Variants in CEP41 observed in about 807,000 individuals in gnomAD.
The protein encoded by CEP41 is centrosomal protein 41.
In CEP41, 32 loss-of-function variants were observed where a neutral mutation model predicts 44.3. The ratio of observed to expected loss-of-function variants is 0.72; its 90% CI spans 0.54 to 0.97. CEP41 has a LOEUF of 0.97. Among genes scored for constraint, CEP41 ranks in the 50% least tolerant of loss-of-function variants. The pLI is 0.00. For missense variants in CEP41, 432 were observed against 455.2 expected, an observed-to-expected ratio of 0.95 and a Z score of 0.46; for synonymous variants, 151 against 168.5, an observed-to-expected ratio of 0.90 and a Z score of 0.80.
At chr7:130,428,348 C>G (rs556957380) in intron 1 of CEP41, among the ~76,000 whole-genome samples, 8 of 134,940 alleles carry the variant, frequency 5.9e-5, no homozygotes, top group Admixed American at 5.0e-4. Flanking sequence ...CGCTTGATCC[C>G]GGGAGGCAGA....
intron 1 of CEP41, among the ~76,000 whole-genome samples, chr7:130,439,612 A>G (rs1798078972): frequency 6.6e-6 from 1 of 152,180 alleles, no homozygotes; most frequent in African/African-American, 2.4e-5. Context: ...GCCACGTATA[A>G]GTGAGATCAT....
chr7:130,441,021 C>T (rs1468426278), upstream of CEP41: 6 of 1,583,710 alleles, frequency 3.8e-6, no homozygotes, highest in Middle Eastern at 6.6e-4. Context: ...GCCTCTAACC[C>T]TAGCTTCCTA....
At chr7:130,422,713 A>C (rs1411567025) in intron 2 of CEP41, among the ~76,000 whole-genome samples, 1 of 152,152 alleles carries the variant, frequency 6.6e-6, no homozygotes, top group Non-Finnish European at 1.5e-5. Context: ...TCTCTCCCAC[A>C]CTGACTTTAA....
At position 130,398,819 on chromosome 7, in the gene CEP41, A is replaced by G; in HGVS notation, c.*72T>C. ...TCCTCTGCAGAAGTTTCTGGAAATG[A>G]CCCAACTTGGGAAATGCTCAGGGGT... On this transcript the variant is annotated 3_prime_UTR_variant, in exon 11 of 11. Coordinates refer to ENST00000223208, the MANE Select transcript of CEP41 (RefSeq NM_018718.3). The G allele has an allele frequency of 1.3e-6, 2 of 1,568,242 alleles. No individual in the cohort carries two copies. Among genetic ancestry groups the G allele is most frequent in the Non-Finnish European group, 1.8e-6 (2 of 1,139,412 alleles).
At chr7:130,441,273 T>A, upstream of CEP41, 1 of 162,666 alleles carries the variant, frequency 6.1e-6, no homozygotes, top group Non-Finnish European at 1.1e-5. Flanking sequence ...AGGGGAAGGC[T>A]GGCGCCTGCG....
At chr7:130,426,750 A>T (rs1554423641) in intron 2 of CEP41, 1 of 445,482 alleles carries the variant, frequency 2.2e-6, no homozygotes, top group Non-Finnish European at 4.5e-6. Flanking sequence ...AAATACAGGA[A>T]CAGTACGGCC....
rs1796593325 is a variant in CEP41, at chr7:130,394,052, G to A, written c.*4839C>T. The A allele has an allele frequency of 2.2e-6, 1 of 453,986 alleles. No individual in the cohort carries two copies. The highest frequency in any genetic ancestry group is 4.4e-6 in the Non-Finnish European group (1 of 226,802). The allele number at this position is 453,986 out of a possible 1,614,324, so 28.1% of individuals were successfully genotyped here. On this transcript the variant is annotated 3_prime_UTR_variant, in exon 11 of 11. Coordinates refer to ENST00000223208, the MANE Select transcript of CEP41 (RefSeq NM_018718.3). ...CTTTTGTGCAGGCAAGCGGAGGAAAGTTTTCAAAAGAATCTCGGCTGACTA... is the reference window on the plus strand; with the variant it reads ...CTTTTGTGCAGGCAAGCGGAGGAAAATTTTCAAAAGAATCTCGGCTGACTA...
chr7:130,431,555 G>A (rs1797821832), intron 1 of CEP41, among the ~76,000 whole-genome samples: 1 of 152,116 alleles, frequency 6.6e-6, no homozygotes, highest in Non-Finnish European at 1.5e-5. Flanking sequence ...CATCAGATTG[G>A]CACCTAATCC....
intron 1 of CEP41, among the ~76,000 whole-genome samples, chr7:130,432,410 A>G (rs1270931961): frequency 2.0e-5 from 3 of 152,018 alleles, no homozygotes; most frequent in Non-Finnish European, 4.4e-5. Context: ...AAAACATAAT[A>G]TGGTCAGTTG....
rs1554413720 is a variant in CEP41, at chr7:130,394,472, T to C, written c.*4419A>G. ...AAGATTTGAAACAAAAGAGAAAACC[T>C]ACTCTTAAGATGGGGGTGGTGTGTG... is the stretch of plus-strand genomic sequence containing the variant. On this transcript the variant is annotated 3_prime_UTR_variant, in exon 11 of 11. Transcript: ENST00000223208. 1 of 454,110 alleles carries C rather than the reference T, an allele frequency of 2.2e-6. No homozygotes were observed. The highest frequency in any genetic ancestry group is 2.3e-5 in the Admixed American group (1 of 42,572). The allele number at this position is 454,110 out of a possible 1,614,324, so 28.1% of individuals were successfully genotyped here.
chr7:130,440,134 C>G (rs1554427175), intron 1 of CEP41, among the ~76,000 whole-genome samples: 1 of 152,216 alleles, frequency 6.6e-6, no homozygotes, highest in Admixed American at 6.5e-5. Context: ...ATTCTCCTGC[C>G]TCAGCCTACC....
chr7:130,438,124 G>A (rs1798031004), intron 1 of CEP41, among the ~76,000 whole-genome samples: 1 of 152,148 alleles, frequency 6.6e-6, no homozygotes, highest in South Asian at 2.1e-4. Flanking sequence ...CAGCACCAAT[G>A]AGTAGTCTAA....
rs1796820389 is a variant in CEP41 at position 130,400,792 on chromosome 7, C to T, written c.672G>A (p.Leu224=). ...TGGCCAGCCTTTCATCATCGTCATA[C>T]AGAATGATGATCTTGCCATGGGCAT... The part of the protein sequence containing the change: ...YKNAHGKIII[L]YDDDERLASQ... Residue 224 remains leucine, a synonymous_variant, in exon 9 of 11, where the codon CTG becomes CTA. Coordinates refer to ENST00000223208, the MANE Select transcript of CEP41 (RefSeq NM_018718.3). The T allele has an allele frequency of 1.2e-6, 2 of 1,612,790 alleles. No homozygotes were observed. The highest frequency in any genetic ancestry group is 2.2e-5 in the East Asian group (1 of 44,886).
intron 1 of CEP41, among the ~76,000 whole-genome samples, chr7:130,431,717 G>A (rs1584905222): frequency 6.6e-6 from 1 of 152,114 alleles, no homozygotes; most frequent in East Asian, 1.9e-4. Flanking sequence ...AGACTAGAGG[G>A]AGTACCAACA....
intron 5 of CEP41, among the ~76,000 whole-genome samples, chr7:130,410,088 T>C (rs1797133663): frequency 1.3e-5 from 2 of 150,780 alleles, no homozygotes; most frequent in Admixed American, 1.3e-4. Flanking sequence ...TGCAATGGCG[T>C]AGTCTCAGCT....
At position 130,397,705 on chromosome 7, in the gene CEP41, C is replaced by G. The variant is rs908187734; in HGVS notation, c.*1186G>C. The G allele has an allele frequency of 1.1e-5, 5 of 454,230 alleles. No homozygotes were observed. The highest frequency in any genetic ancestry group is 1.8e-5 in the Non-Finnish European group (4 of 226,752). The allele number at this position is 454,230 out of a possible 1,614,324, so 28.1% of individuals were successfully genotyped here. ...ACAGACCATAAAAATTAACACCGCT[C>G]TTTTCCATCTGATTTCAGAGTTCCT... On this transcript the variant is annotated 3_prime_UTR_variant, in exon 11 of 11. Coordinates refer to ENST00000223208, the MANE Select transcript of CEP41 (RefSeq NM_018718.3).
At chr7:130,441,088 T>TC, upstream of CEP41, 1 of 1,180,500 alleles carries the variant, frequency 8.5e-7, no homozygotes. Flanking sequence ...TGGCCCGTCT[T>TC]CCCCGGCCGG....
intron 7 of CEP41, among the ~76,000 whole-genome samples, chr7:130,402,348 A>C (rs1341191123): frequency 2.0e-5 from 3 of 150,972 alleles, no homozygotes; most frequent in African/African-American, 4.9e-5. Context: ...ATTAACAAAA[A>C]AAAAACAAAA....
At chr7:130,431,849 C>G (rs1797831276) in intron 1 of CEP41, among the ~76,000 whole-genome samples, 1 of 152,172 alleles carries the variant, frequency 6.6e-6, no homozygotes, top group Non-Finnish European at 1.5e-5. Flanking sequence ...TTTAAAAAAA[C>G]TTGGGTTTCA....
Sources: gnomAD v4.1 joint callset for allele counts (sites outside exome capture counted in the v4.1 genomes callset) on GRCh38, gnomAD v4.1.1 for gene constraint, MANE v1.5 for transcripts, NCBI Gene and HGNC (gene_info 2026-07-23, HGNC 2026-07-21) for gene names.